CLASP1: variants seen among roughly 807,000 people sequenced by gnomAD.
CLASP1 encodes the protein CLIP-associating protein 1.
A neutral mutation model predicts 192.3 loss-of-function variants in CLASP1; 38 were observed. The observed-to-expected ratio is 0.20, with a 90% CI of 0.15 to 0.26. CLASP1 has a LOEUF of 0.26. CLASP1 is among the 10% of genes least tolerant of loss of function. The pLI is 1.00. For missense variants in CLASP1, 1,433 were observed against 1,932.5 expected, an observed-to-expected ratio of 0.74 and a Z score of 4.85; for synonymous variants, 691 against 712.8, an observed-to-expected ratio of 0.97 and a Z score of 0.49.
chr2:121,429,435 T>TA (rs1347766000), intron 20 of CLASP1, among the ~76,000 whole-genome samples: 1 of 152,176 alleles, frequency 6.6e-6, no homozygotes, highest in Non-Finnish European at 1.5e-5. Flanking sequence ...GTGGGCCCCT[T>TA]AAAGTTTATG....
chr2:121,454,803 A>C lies in CLASP1; in HGVS notation c.1385+2884T>G, dbSNP rs149080582. Reference sequence around the variant, plus strand: ...TTTTGCCTTACGCAAGGAAAAACACATTCTGAATTTCTCTTGGAAACCTAA... The same window carrying C: ...TTTTGCCTTACGCAAGGAAAAACACCTTCTGAATTTCTCTTGGAAACCTAA... On this transcript the variant is annotated intron_variant, in intron 14 of 39. Transcript: ENST00000263710. Among the ~76,000 whole-genome samples, 111 of 152,364 alleles carry C rather than the reference A, an allele frequency of 7.3e-4. 1 individual carries two copies. The highest frequency in any genetic ancestry group is 2.5e-3 in the African/African-American group (102 of 41,584).
chr2:121,415,577 C>G (rs777495708), intron 23 of CLASP1, among the ~76,000 whole-genome samples: 15 of 152,134 alleles, frequency 9.9e-5, no homozygotes, highest in Non-Finnish European at 1.5e-4. Context: ...AGACTTGGTT[C>G]AAAACATTAA....
At chr2:121,450,204 G>C (rs188550944) in intron 16 of CLASP1, among the ~76,000 whole-genome samples, 1 of 151,996 alleles carries the variant, frequency 6.6e-6, no homozygotes, top group African/African-American at 2.4e-5. Flanking sequence ...GAGGGCAGGC[G>C]CCTGTAGTCC....
chr2:121,514,467 A>G (rs2094230495), intron 7 of CLASP1, among the ~76,000 whole-genome samples: 1 of 152,120 alleles, frequency 6.6e-6, no homozygotes, highest in Non-Finnish European at 1.5e-5. Flanking sequence ...CCATATATTC[A>G]AAGACCAGAA....
At chr2:121,408,911 T>C in intron 24 of CLASP1, 2 of 823,862 alleles carry the variant, frequency 2.4e-6, no homozygotes, top group East Asian at 5.3e-5. Context: ...AACAAAATCA[T>C]ATTTCAGACC....
At chr2:121,358,950 A>C (rs1277703264) in intron 37 of CLASP1, among the ~76,000 whole-genome samples, 2 of 152,260 alleles carry the variant, frequency 1.3e-5, no homozygotes, top group Non-Finnish European at 1.5e-5. Flanking sequence ...GATATTCACT[A>C]ATGTGGCAAA....
At chr2:121,537,950 C>T (rs2095133391) in intron 2 of CLASP1, among the ~76,000 whole-genome samples, 1 of 152,184 alleles carries the variant, frequency 6.6e-6, no homozygotes, top group African/African-American at 2.4e-5. Flanking sequence ...AAAGATTCTT[C>T]CTTAACTTCA....
chr2:121,365,284 A>G, exon 36 of CLASP1: 2 of 1,611,462 alleles, frequency 1.2e-6, no homozygotes, highest in South Asian at 2.2e-5. Flanking sequence ...GTCGATGGGC[A>G]CTGGTGAAAC....
At chr2:121,559,520 T>A (rs897083462) in intron 2 of CLASP1, among the ~76,000 whole-genome samples, 2 of 152,302 alleles carry the variant, frequency 1.3e-5, no homozygotes, top group Admixed American at 6.5e-5. Flanking sequence ...AAGTACTGAA[T>A]TCATGCTACA....
chr2:121,636,197 C>CACAG (rs1327309730), intron 1 of CLASP1, among the ~76,000 whole-genome samples: 1 of 151,654 alleles, frequency 6.6e-6, no homozygotes, highest in African/African-American at 2.4e-5. Flanking sequence ...ATTAGCCAGG[C>CACAG]ACAGTGCAGG....
At chr2:121,387,251 T>C in intron 31 of CLASP1, 23 bp from the exon 33 acceptor site, 2 of 1,501,272 alleles carry the variant, frequency 1.3e-6, no homozygotes, top group Non-Finnish European at 1.8e-6. Context: ...AGAATAGGCA[T>C]CGTTATTCAA....
In CLASP1 at chr2:121,575,839, G is replaced by C. The variant is rs575088336; in HGVS notation, c.195+29862C>G. Among the ~76,000 whole-genome samples the C allele has an allele frequency of 2.6e-5, 4 of 152,304 alleles. No homozygotes were observed. In the East Asian group the frequency reaches 7.7e-4, roughly 29 times the overall value. ...CTAAAGCATCGGTGTAAATATCCAG[G>C]CTCAAGACCTGTTACAGGGCTTCAC... On this transcript the variant is annotated intron_variant, in intron 2 of 39. Transcript: ENST00000263710.
chr2:121,499,390 T>TA lies in CLASP1; in HGVS notation c.712+3776dup, dbSNP rs1351282665. Among the ~76,000 whole-genome samples, 6 of 151,218 alleles carry TA rather than the reference T, an allele frequency of 4.0e-5. No homozygotes were observed. In the East Asian group the frequency reaches 1.2e-3, roughly 29 times the overall value. ...TAGGCAAATCCATAAAGACAGAAAA[T>TA]AGGACGCCAGAAACTGGGGGGAGAG... On this transcript the variant is annotated intron_variant, in intron 8 of 39. Coordinates refer to ENST00000263710, the Ensembl canonical transcript of CLASP1.
At chr2:121,535,755 C>T (rs568292945) in intron 2 of CLASP1, among the ~76,000 whole-genome samples, 1 of 151,502 alleles carries the variant, frequency 6.6e-6, no homozygotes, top group South Asian at 2.1e-4. Flanking sequence ...TTCAAGTGAT[C>T]CTCCCGCCTC....
chr2:121,462,410 G>A (rs2088273817), intron 10 of CLASP1, 122 bp downstream of exon 10: 4 of 595,422 alleles, frequency 6.7e-6, no homozygotes, highest in Non-Finnish European at 1.2e-5. Context: ...CAGATCTCCT[G>A]TAGTGCTGAC....
intron 39 of CLASP1, among the ~76,000 whole-genome samples, chr2:121,346,321 A>G (rs1333098020): frequency 6.6e-6 from 1 of 152,164 alleles, no homozygotes; most frequent in African/African-American, 2.4e-5. Flanking sequence ...GCCACAGCAT[A>G]AGGCCGGGTT....
chr2:121,453,286 C>A (rs1408015196), intron 14 of CLASP1, among the ~76,000 whole-genome samples: 1 of 152,158 alleles, frequency 6.6e-6, no homozygotes, highest in African/African-American at 2.4e-5. Context: ...CCAAGTCAGA[C>A]CCTGTCTCAA....
rs6708002 is a variant in CLASP1 at position 121,597,643 on chromosome 2, C to T, written c.195+8058G>A. 6.8e-3 allele frequency among the ~76,000 whole-genome samples: 1,030 copies of T among 152,278 alleles called. 9 individuals are homozygous for T. Among genetic ancestry groups the T allele is most frequent in the African/African-American group, 0.023 (942 of 41,538 alleles). On this transcript the variant is annotated intron_variant, in intron 2 of 39. Coordinates refer to ENST00000263710, the Ensembl canonical transcript of CLASP1. ...CAAATGGCAAATTAGTAATTAAAAA[C>T]ACTAGGCTTTCAGAGTGCTTTGAAT...
chr2:121,565,195 G>A (rs772346953), intron 2 of CLASP1, among the ~76,000 whole-genome samples: 6 of 152,228 alleles, frequency 3.9e-5, no homozygotes, highest in Non-Finnish European at 8.8e-5. Context: ...CAAGAGGCAT[G>A]AACAGGGAAT....
Sources: allele counts gnomAD v4.1 joint callset (sites outside exome capture counted in the v4.1 genomes callset), GRCh38; gene constraint gnomAD v4.1.1; transcripts MANE v1.5; gene names NCBI Gene and HGNC (gene_info 2026-07-23, HGNC 2026-07-21).